Variants in PCDHA9 observed in about 807,000 individuals in gnomAD.
PCDHA9 encodes the protein protocadherin alpha 9.
PCDHA9 carries 62 observed loss-of-function variants against 62.0 expected under a neutral mutation model. The ratio of observed to expected loss-of-function variants is 1.00; its 90% CI spans 0.81 to 1.23. PCDHA9 has a LOEUF of 1.23. Among genes scored for constraint, PCDHA9 ranks in the 50% most tolerant of loss-of-function variants. The probability of loss-of-function intolerance (pLI) is 0.00; values close to 1 mark genes in which losing one functional copy is unlikely to be tolerated. For synonymous variants in PCDHA9, 557 were observed against 567.6 expected (o/e 0.98, Z 0.27); for missense variants, 1,205 against 1,249.8 (o/e 0.96, Z 0.54).
Position 140,853,518 on chromosome 5 carries a change from C to A in PCDHA9, c.2394+2629C>A. On this transcript the variant is annotated intron_variant, in intron 1 of 3. Coordinates refer to ENST00000532602, the MANE Select transcript of PCDHA9 (RefSeq NM_031857.2). ...AGAATCATGAAACAATAATGAAGCT[C>A]CTCCTATGTCTCTTTTCAAGTTGTA... 2.0e-6 allele frequency: 2 copies of A among 976,172 alleles called. 1 individual carries two copies. 60.5% of individuals were successfully genotyped at this position (976,172 alleles called of 1,614,324 possible).
In PCDHA9 at chr5:140,882,900, T is replaced by C. The variant is rs151159619; in HGVS notation, c.2394+32011T>C. 8.7e-6 allele frequency: 14 copies of C among 1,614,106 alleles called. No individual in the cohort carries two copies. In the African/African-American group the frequency reaches 1.2e-4, roughly 14 times the overall value. The stretch of plus-strand genomic sequence containing the variant: ...GAGGAAATTCAGGAACATAGTTTAT[T>C]ACTGACAGCCAGTGATGGAGGTAAA... On this transcript the variant is annotated intron_variant, in intron 1 of 3. Transcript: ENST00000532602.
intron 1 of PCDHA9, among the ~76,000 whole-genome samples, chr5:140,936,053 C>T (rs576745037): frequency 1.2e-4 from 18 of 152,052 alleles, no homozygotes; most frequent in Middle Eastern, 3.4e-3. Flanking sequence ...CCACCACACC[C>T]GGCTAATTTT....
intron 1 of PCDHA9, among the ~76,000 whole-genome samples, chr5:140,957,264 A>G (rs1554222901): frequency 1.3e-5 from 2 of 152,198 alleles, no homozygotes; most frequent in African/African-American, 2.4e-5. Flanking sequence ...ATATGTAAGC[A>G]CTAGTCCCCC....
chr5:140,941,191 T>TTTCTTTCTTTCTTTCTTTCTTTC (rs1487503403), intron 1 of PCDHA9, among the ~76,000 whole-genome samples: 1 of 93,206 alleles, frequency 1.1e-5, no homozygotes, highest in South Asian at 2.8e-4. Flanking sequence ...GCTTCTTTTT[T>TTTCTTTCTTTCTTTCTTTCTTTC]TTTCTTTCTT....
intron 1 of PCDHA9, chr5:140,968,975 T>G (rs782002097): frequency 2.5e-6 from 4 of 1,614,168 alleles, no homozygotes; most frequent in Non-Finnish European, 3.4e-6. Context: ...CTACACTGCG[T>G]ATGGCACTGC....
chr5:140,934,000 A>G (rs2089557025), intron 1 of PCDHA9, among the ~76,000 whole-genome samples: 1 of 151,350 alleles, frequency 6.6e-6, no homozygotes, highest in Non-Finnish European at 1.5e-5. Context: ...GTCACCTCTC[A>G]TTTTTCTTGA....
Position 141,009,690 on chromosome 5 carries a change from TTAAA to T in PCDHA9, c.2609_2612del (p.Lys870ThrfsTer44). On this transcript the variant is annotated frameshift_variant, in exon 4 of 4. Transcript: ENST00000532602. LOFTEE classifies it high-confidence loss of function. ...GGTGTCAACAGCAACAGCTGGACCT[TTAAA>T]TACGGACCAGGCAACCCCAAACAAT... 6.2e-7 allele frequency: 1 copy of T among 1,614,068 alleles called. No individual in the cohort carries two copies. Among genetic ancestry groups the T allele is most frequent in the Non-Finnish European group, 8.5e-7 (1 of 1,180,024 alleles).
chr5:140,946,828 G>A (rs246052), intron 1 of PCDHA9, among the ~76,000 whole-genome samples: 84,737 of 150,610 alleles, frequency 0.56, 24,429 homozygotes, highest in African/African-American at 0.69. Context: ...CCAGAGATGG[G>A]TAGGGCAGTA....
In PCDHA9 at chr5:140,859,254, G is replaced by C. The variant is rs1005222858; in HGVS notation, c.2394+8365G>C. 16 of 131,816 alleles carry C rather than the reference G, an allele frequency of 1.2e-4. 1 individual carries two copies. The highest frequency in any genetic ancestry group is 4.3e-4 in the African/African-American group (16 of 37,090). 8.2% of individuals were successfully genotyped at this position (131,816 alleles called of 1,614,324 possible). A position where few individuals can be genotyped will look rare whatever the true frequency, so the allele number is the denominator to read the frequency against. ...AGTCATGCTTATGTTTAATAATGAA[G>C]AGAATTTGAACACTTTTTACTTTTG... is the stretch of plus-strand genomic sequence containing the variant. On this transcript the variant is annotated intron_variant, in intron 1 of 3. Transcript: ENST00000532602.
intron 1 of PCDHA9, chr5:140,857,403 C>T (rs782020024): frequency 1.3e-6 from 2 of 1,598,418 alleles, no homozygotes; most frequent in African/African-American, 2.7e-5. Flanking sequence ...GACAACGCGC[C>T]TGCGTTCGCG....
intron 1 of PCDHA9, chr5:140,875,640 G>A (rs782266115): frequency 2.5e-6 from 4 of 1,613,688 alleles, no homozygotes; most frequent in Non-Finnish European, 3.4e-6. Context: ...GGCTGGAGCT[G>A]GCGGAGCTGG....
intron 3 of PCDHA9, among the ~76,000 whole-genome samples, chr5:141,007,907 A>G (rs1402621923): frequency 6.6e-6 from 1 of 152,186 alleles, no homozygotes; most frequent in Non-Finnish European, 1.5e-5. Flanking sequence ...TTCTTTGTTG[A>G]AGATGCTATA....
rs372235129 is a variant in PCDHA9 at position 140,927,231 on chromosome 5, C to T, written c.2395-51718C>T. On this transcript the variant is annotated intron_variant, in intron 1 of 3. Transcript: ENST00000532602. ...TGGAGCTGCACAAGATTCGGATTCA[C>T]GTCCTGGACACCAATGACAACTCAC... 3.7e-6 allele frequency: 6 copies of T among 1,614,020 alleles called. No individual in the cohort carries two copies. In the African/African-American group the frequency reaches 4.0e-5, roughly 11 times the overall value.
chr5:140,875,675 C>G, intron 1 of PCDHA9: 8 of 1,613,858 alleles, frequency 5.0e-6, no homozygotes, highest in Non-Finnish European at 6.8e-6. Context: ...CGGGTGGCGT[C>G]CAAAAGACAC....
At chr5:140,876,660 G>C in intron 1 of PCDHA9, 1 of 1,614,216 alleles carries the variant, frequency 6.2e-7, no homozygotes, top group Non-Finnish European at 8.5e-7. Context: ...TTCCCTTCAA[G>C]CTGGTGTCCA....
chr5:140,952,822 G>A (rs1364476088), intron 1 of PCDHA9, among the ~76,000 whole-genome samples: 3 of 152,184 alleles, frequency 2.0e-5, no homozygotes, highest in Non-Finnish European at 4.4e-5. Context: ...TGTACAGGAA[G>A]CATGATGCTG....
chr5:140,857,154 C>T (rs147581214), intron 1 of PCDHA9: 7 of 1,598,342 alleles, frequency 4.4e-6, no homozygotes, highest in Non-Finnish European at 6.0e-6. Flanking sequence ...ACCGTCATTG[C>T]CCTAATCAGC....
intron 1 of PCDHA9, among the ~76,000 whole-genome samples, chr5:140,955,336 T>G (rs1294171389): frequency 1.3e-5 from 2 of 152,144 alleles, no homozygotes; most frequent in African/African-American, 2.4e-5. Context: ...GTTCCCATAA[T>G]CCCCACATGT....
rs941007574 is a variant in PCDHA9 at position 141,010,090 on chromosome 5, C to G, written c.*153C>G. ...AAGTTCCCTGTGTCTGTCTAGAACG[C>G]ATTTAACAGGTTTTGTCGTAAAAGC... On this transcript the variant is annotated 3_prime_UTR_variant, in exon 4 of 4. Transcript: ENST00000532602. 1.5e-5 allele frequency: 24 copies of G among 1,612,636 alleles called. No homozygotes were observed. Among genetic ancestry groups the G allele is most frequent in the Non-Finnish European group, 2.0e-5 (24 of 1,179,276 alleles).
Sources: allele counts gnomAD v4.1 joint callset (sites outside exome capture counted in the v4.1 genomes callset), GRCh38; gene constraint gnomAD v4.1.1; transcripts MANE v1.5; gene names NCBI Gene and HGNC (gene_info 2026-07-23, HGNC 2026-07-21).